Variants in CHN1 observed in about 807,000 individuals in gnomAD.
CHN1 encodes the protein N-chimaerin.
CHN1 carries 37 observed loss-of-function variants against 59.5 expected under a neutral mutation model. The ratio of observed to expected loss-of-function variants is 0.62; its 90% CI spans 0.48 to 0.82. The LOEUF (loss-of-function observed/expected upper bound fraction) is 0.82. Ranked by LOEUF, CHN1 falls within the 40% of genes least tolerant of loss-of-function variation. The pLI is 0.00. For synonymous variants in CHN1, 206 were observed against 200.4 expected (o/e 1.03, Z -0.24); for missense variants, 469 against 571.0 (o/e 0.82, Z 1.82).
chr2:174,902,085 A>G (rs1688402752), intron 5 of CHN1, among the ~76,000 whole-genome samples: 1 of 152,142 alleles, frequency 6.6e-6, no homozygotes, highest in Admixed American at 6.5e-5. Flanking sequence ...TTATTTCTGG[A>G]TAGTAGAATT....
At chr2:174,951,502 T>C (rs1438790837) in intron 2 of CHN1, among the ~76,000 whole-genome samples, 1 of 152,236 alleles carries the variant, frequency 6.6e-6, no homozygotes, top group East Asian at 1.9e-4. Flanking sequence ...TGCTTTTCCA[T>C]AATAATGCAT....
intron 6 of CHN1, among the ~76,000 whole-genome samples, chr2:174,865,080 T>C (rs533605592): frequency 1.3e-5 from 2 of 152,294 alleles, no homozygotes; most frequent in South Asian, 4.1e-4. Context: ...TAAGCTACAC[T>C]TTAAGAAAGG....
chr2:174,982,146 C>G (rs1260237025), intron 1 of CHN1, among the ~76,000 whole-genome samples: 1 of 152,150 alleles, frequency 6.6e-6, no homozygotes, highest in Non-Finnish European at 1.5e-5. Context: ...TTTATGACTG[C>G]ATAGTATTCC....
chr2:174,843,488 C>G (rs578168472), intron 7 of CHN1, among the ~76,000 whole-genome samples: 17 of 152,192 alleles, frequency 1.1e-4, no homozygotes, highest in South Asian at 4.2e-4. Flanking sequence ...CTGCCCACCT[C>G]GGCCTCCCAA....
chr2:174,910,871 G>A (rs1390538641), intron 5 of CHN1, among the ~76,000 whole-genome samples: 4 of 123,770 alleles, frequency 3.2e-5, no homozygotes, highest in Non-Finnish European at 4.7e-5. Flanking sequence ...CAGCACTCCC[G>A]CCTGGGCGAC....
At chr2:174,912,036 C>T (rs965247398) in intron 5 of CHN1, among the ~76,000 whole-genome samples, 1 of 152,006 alleles carries the variant, frequency 6.6e-6, no homozygotes, top group East Asian at 1.9e-4. Flanking sequence ...AGATGAGCAA[C>T]AAAGAAAAAG....
intron 3 of CHN1, among the ~76,000 whole-genome samples, chr2:174,919,935 C>G (rs769784562): frequency 6.6e-6 from 1 of 152,156 alleles, no homozygotes; most frequent in African/African-American, 2.4e-5. Flanking sequence ...AATTCCCACC[C>G]CAACCACGTT....
At chr2:174,952,119 T>C (rs1690041940) in intron 2 of CHN1, 45 bp downstream of exon 2, 1 of 1,137,760 alleles carries the variant, frequency 8.8e-7, no homozygotes, top group Non-Finnish European at 1.2e-6. Context: ...TATTTTTATA[T>C]TACTTATAAA....
intron 6 of CHN1, among the ~76,000 whole-genome samples, chr2:174,874,621 C>T (rs754323188): frequency 4.6e-5 from 7 of 151,814 alleles, no homozygotes; most frequent in Non-Finnish European, 8.8e-5. Context: ...AGGACTGCAA[C>T]AAAAAAATAA....
chr2:174,959,490 T>G (rs1020771786), intron 1 of CHN1, among the ~76,000 whole-genome samples: 1 of 152,100 alleles, frequency 6.6e-6, no homozygotes, highest in African/African-American at 2.4e-5. Flanking sequence ...TATGCAGAAT[T>G]AGTTGCTGAA....
chr2:174,939,760 G>A (rs74807335), intron 3 of CHN1, among the ~76,000 whole-genome samples: 2,123 of 152,068 alleles, frequency 0.014, 44 homozygotes, highest in African/African-American at 0.048. Flanking sequence ...TGATCACAGC[G>A]AGCAGCAATG....
chr2:174,882,296 C>T (rs1177226048), intron 5 of CHN1, among the ~76,000 whole-genome samples: 1 of 152,210 alleles, frequency 6.6e-6, no homozygotes, highest in Non-Finnish European at 1.5e-5. Context: ...TTCCAGGTTT[C>T]GGGTTTCCTA....
intron 7 of CHN1, among the ~76,000 whole-genome samples, chr2:174,831,199 AAAT>A (rs1685868008): frequency 2.0e-5 from 3 of 152,228 alleles, no homozygotes; most frequent in African/African-American, 7.2e-5. Flanking sequence ...CAGAAAAAAT[AAAT>A]TATTCTCATA....
At chr2:174,946,469 T>C (rs1689839793) in intron 2 of CHN1, among the ~76,000 whole-genome samples, 2 of 152,218 alleles carry the variant, frequency 1.3e-5, no homozygotes. Flanking sequence ...GGTAGAAATG[T>C]ATTCCTTTAC....
At chr2:174,913,505 AT>A (rs1467775780) in intron 5 of CHN1, among the ~76,000 whole-genome samples, 1 of 152,198 alleles carries the variant, frequency 6.6e-6, no homozygotes, top group Non-Finnish European at 1.5e-5. Flanking sequence ...GGTAAATTGA[AT>A]AGGTATTTGA....
intron 7 of CHN1, among the ~76,000 whole-genome samples, chr2:174,827,107 C>G (rs1344164120): frequency 6.6e-6 from 1 of 152,092 alleles, no homozygotes; most frequent in Non-Finnish European, 1.5e-5. Flanking sequence ...ATTTTTATAT[C>G]TAAAATCCAT....
At chr2:174,874,146 G>C (rs377413346) in intron 6 of CHN1, among the ~76,000 whole-genome samples, 9 of 152,306 alleles carry the variant, frequency 5.9e-5, no homozygotes, top group African/African-American at 2.2e-4. Context: ...ATATTATTAA[G>C]TGTAAAATTA....
At chr2:174,902,319 A>G (rs1195171852) in intron 5 of CHN1, among the ~76,000 whole-genome samples, 1 of 152,116 alleles carries the variant, frequency 6.6e-6, no homozygotes, top group African/African-American at 2.4e-5. Flanking sequence ...ATTACTTTCT[A>G]TGGTTTGTTT....
intron 6 of CHN1, among the ~76,000 whole-genome samples, chr2:174,856,692 C>T (rs1215528875): frequency 1.3e-5 from 2 of 152,094 alleles, no homozygotes; most frequent in Non-Finnish European, 2.9e-5. Flanking sequence ...TACTGCTATT[C>T]GACAAGCCAC....
Sources: allele counts gnomAD v4.1 joint callset (sites outside exome capture counted in the v4.1 genomes callset), GRCh38; gene constraint gnomAD v4.1.1; transcripts MANE v1.5; gene names NCBI Gene and HGNC (gene_info 2026-07-23, HGNC 2026-07-21).